The following SLCO6A1 variants were observed in gnomAD, a reference collection of about 807,000 sequenced individuals.
SLCO6A1 encodes the protein solute carrier organic anion transporter family member 6A1, also known as cancer/testis antigen 48.
Under a neutral mutation model 72.7 loss-of-function variants are expected in SLCO6A1, and 65 were observed. The observed-to-expected ratio is 0.89, with a 90% CI of 0.73 to 1.10. The LOEUF (loss-of-function observed/expected upper bound fraction) is 1.10, where lower values mean the gene tolerates loss of function less well. SLCO6A1 is among the 50% of genes least tolerant of loss of function. The pLI is 0.00. For synonymous variants in SLCO6A1, 314 were observed against 298.2 expected (o/e 1.05, Z -0.55); for missense variants, 874 against 872.6 (o/e 1.00, Z -0.02).
rs1746724861 is a variant in SLCO6A1 at position 102,391,008 on chromosome 5, C to T, written c.1852G>A (p.Val618Ile). ...AATATTCTCAAAATCACATAGCTTA[C>T]ACCCAAGGCCAGAGAACGCAGTTTG... The part of the protein sequence containing the change: ...PDKLRSLALG[V>I]SYVILRIFGT... Residue 618 changes from valine to isoleucine, a missense_variant, in exon 11 of 14, where the codon GTA (valine) becomes ATA (isoleucine). Transcript: ENST00000506729. 3.1e-6 allele frequency: 5 copies of T among 1,613,460 alleles called. No homozygotes were observed. Among genetic ancestry groups the T allele is most frequent in the East Asian group, 4.5e-5 (2 of 44,856 alleles).
At chr5:102,416,449 C>G (rs1748290911) in intron 8 of SLCO6A1, among the ~76,000 whole-genome samples, 1 of 151,884 alleles carries the variant, frequency 6.6e-6, no homozygotes, top group Non-Finnish European at 1.5e-5. Flanking sequence ...AACGGGAAGT[C>G]ATTATCTTAA....
intron 9 of SLCO6A1, among the ~76,000 whole-genome samples, chr5:102,409,552 C>T (rs1276301129): frequency 1.3e-5 from 2 of 152,000 alleles, no homozygotes; most frequent in Non-Finnish European, 2.9e-5. Context: ...TAATCGTTTC[C>T]ATCCATATCA....
At chr5:102,463,314 T>C (rs1262501730) in intron 4 of SLCO6A1, among the ~76,000 whole-genome samples, 3 of 152,220 alleles carry the variant, frequency 2.0e-5, no homozygotes, top group Non-Finnish European at 4.4e-5. Context: ...ACTTTTACAC[T>C]GCTGGTGGAA....
intron 12 of SLCO6A1, among the ~76,000 whole-genome samples, chr5:102,380,709 T>A (rs1291905892): frequency 1.3e-5 from 2 of 152,028 alleles, no homozygotes; most frequent in Non-Finnish European, 2.9e-5. Flanking sequence ...ATGTAAAATT[T>A]GCCTACTGTG....
At chr5:102,451,557 T>G (rs1218552094) in intron 6 of SLCO6A1, among the ~76,000 whole-genome samples, 2 of 152,184 alleles carry the variant, frequency 1.3e-5, no homozygotes, top group Non-Finnish European at 2.9e-5. Context: ...CATGTCATTC[T>G]GGAGGCCCTG....
intron 9 of SLCO6A1, among the ~76,000 whole-genome samples, chr5:102,403,446 G>A (rs1747506215): frequency 6.6e-6 from 1 of 152,074 alleles, no homozygotes; most frequent in Non-Finnish European, 1.5e-5. Context: ...CCCAAAGATG[G>A]ATATTATCTT....
intron 6 of SLCO6A1, 123 bp downstream of exon 6, chr5:102,458,254 TAAAAA>T: frequency 1.6e-6 from 1 of 642,122 alleles, no homozygotes; most frequent in Admixed American, 2.8e-5. Context: ...AGTATAATAA[TAAAAA>T]AGAAAAAAAA....
In SLCO6A1 at chr5:102,385,123, C is replaced by T. The variant is rs187030193; in HGVS notation, c.2017+3565G>A. ...GGCTGGCAGTTTCTTTCTTTCAGCA[C>T]GTTAAATATATCATTCTACTGTCTC... On this transcript the variant is annotated intron_variant, in intron 12 of 13. Transcript: ENST00000506729. Among the ~76,000 whole-genome samples, 25 of 152,200 alleles carry T rather than the reference C, an allele frequency of 1.6e-4. No homozygotes were observed. The East Asian group carries it at 1.7e-3, about 11-fold the overall frequency.
intron 1 of SLCO6A1, among the ~76,000 whole-genome samples, chr5:102,491,087 TA>T (rs1227644669): frequency 6.6e-6 from 1 of 152,066 alleles, no homozygotes; most frequent in Non-Finnish European, 1.5e-5. Context: ...ATGTCCCCAC[TA>T]GATTAGCTAG....
intron 6 of SLCO6A1, 66 bp from the exon 7 acceptor site, chr5:102,438,827 C>A: frequency 8.5e-7 from 1 of 1,170,826 alleles, no homozygotes. Context: ...TAGACAGAAC[C>A]AAATGCTAAT....
At chr5:102,377,805 G>A (rs9327849) in intron 12 of SLCO6A1, among the ~76,000 whole-genome samples, 55,077 of 151,198 alleles carry the variant, frequency 0.36, 10,316 homozygotes, top group Middle Eastern at 0.42. Flanking sequence ...CCGAGTATCT[G>A]GGACTATAGG....
At chr5:102,468,734 C>T (rs947512395) in intron 4 of SLCO6A1, among the ~76,000 whole-genome samples, 25 of 151,964 alleles carry the variant, frequency 1.6e-4, no homozygotes, top group African/African-American at 2.2e-4. Context: ...TTATGTATTA[C>T]GTGAGTCTCT....
At chr5:102,386,627 C>T (rs1746433703) in intron 12 of SLCO6A1, among the ~76,000 whole-genome samples, 1 of 152,152 alleles carries the variant, frequency 6.6e-6, no homozygotes, top group Non-Finnish European at 1.5e-5. Flanking sequence ...CAGCCCAGTG[C>T]CTAGGGCTGC....
At chr5:102,492,848 C>T (rs943065747) in intron 1 of SLCO6A1, among the ~76,000 whole-genome samples, 1 of 152,166 alleles carries the variant, frequency 6.6e-6, no homozygotes, top group Non-Finnish European at 1.5e-5. Context: ...AAGGGGTGCT[C>T]GCCATTGCTG....
chr5:102,449,942 A>G (rs1750326208), intron 6 of SLCO6A1, among the ~76,000 whole-genome samples: 1 of 152,186 alleles, frequency 6.6e-6, no homozygotes, highest in Admixed American at 6.5e-5. Context: ...ACTCCCAATT[A>G]TGTCATGAAA....
rs771354383 is a variant in SLCO6A1 at position 102,399,555 on chromosome 5, C to T, written c.1814G>A (p.Arg605Gln). ...ATAATAATGAGTAATATATACATAC[C>T]GCGTCATGGCCAAGACGATTGGTAC... ...SGVPIVLAMTRVVPDKLRSLA... is the reference protein window; with the variant it reads ...SGVPIVLAMTQVVPDKLRSLA... The change falls in exon 10 of 14, where the codon CGG becomes CAG. Residue 605 changes from arginine (R) to glutamine (Q), a missense_variant and splice_region_variant. By Grantham distance (43) the Arg-to-Gln change is conservative. Transcript: ENST00000506729. 3.1e-5 allele frequency: 47 copies of T among 1,522,358 alleles called. No homozygotes were observed. The highest frequency in any genetic ancestry group is 1.8e-4 in the East Asian group (8 of 43,828). The allele number at this position is 1,522,358 out of a possible 1,614,324, so 94.3% of individuals were successfully genotyped here.
intron 12 of SLCO6A1, among the ~76,000 whole-genome samples, chr5:102,379,162 C>A (rs1745977577): frequency 1.3e-5 from 2 of 151,944 alleles, no homozygotes. Context: ...GTAAGGTTAT[C>A]CTTTATTTAT....
intron 12 of SLCO6A1, among the ~76,000 whole-genome samples, chr5:102,383,315 C>G (rs1441129635): frequency 6.6e-6 from 1 of 151,326 alleles, no homozygotes; most frequent in Non-Finnish European, 1.5e-5. Flanking sequence ...CTTTTCACAA[C>G]CATGATATTA....
intron 6 of SLCO6A1, among the ~76,000 whole-genome samples, chr5:102,440,345 T>G (rs1292154443): frequency 1.3e-5 from 2 of 152,080 alleles, no homozygotes; most frequent in Non-Finnish European, 2.9e-5. Context: ...GGCATTAAAT[T>G]ATCATAGGAG....
Sources: gnomAD v4.1 joint callset for allele counts (sites outside exome capture counted in the v4.1 genomes callset) on GRCh38, gnomAD v4.1.1 for gene constraint, MANE v1.5 for transcripts, NCBI Gene and HGNC (gene_info 2026-07-23, HGNC 2026-07-21) for gene names.